TSC22D1: variants seen among roughly 807,000 people sequenced by gnomAD.
The protein encoded by TSC22D1 is TSC22 domain family protein 1.
In TSC22D1, 9 loss-of-function variants were observed where a neutral mutation model predicts 74.2. The observed-to-expected ratio is 0.12, with a 90% CI of 0.07 to 0.21. The LOEUF (loss-of-function observed/expected upper bound fraction) is 0.21, where lower values mean the gene tolerates loss of function less well. Ranked by LOEUF, TSC22D1 falls within the 10% of genes least tolerant of loss-of-function variation. The pLI is 1.00. For synonymous variants in TSC22D1, 586 were observed against 492.5 expected (o/e 1.19, Z -2.51); for missense variants, 1,427 against 1,304.7 (o/e 1.09, Z -1.44).
chr13:44,504,601 C>CAAA (rs10577341), intron 1 of TSC22D1, among the ~76,000 whole-genome samples: 4 of 97,532 alleles, frequency 4.1e-5, no homozygotes, highest in South Asian at 3.5e-4. Context: ...GAGACTGTCT[C>CAAA]AAAAAAAAAA....
intron 1 of TSC22D1, among the ~76,000 whole-genome samples, chr13:44,455,303 T>C (rs1294195432): frequency 6.6e-6 from 1 of 152,292 alleles, no homozygotes; most frequent in East Asian, 1.9e-4. Context: ...AATGCTGTAT[T>C]CAAGAGACCC....
intron 1 of TSC22D1, among the ~76,000 whole-genome samples, chr13:44,525,095 G>A (rs988962115): frequency 3.9e-5 from 6 of 152,124 alleles, no homozygotes; most frequent in African/African-American, 1.4e-4. Flanking sequence ...TCTCTCTCTA[G>A]CTTTCTTGTT....
intron 1 of TSC22D1, among the ~76,000 whole-genome samples, chr13:44,545,544 A>G (rs1384158517): frequency 1.3e-5 from 2 of 151,568 alleles, no homozygotes; most frequent in Non-Finnish European, 2.9e-5. Context: ...CTTTATTCTT[A>G]TAATGGCCAG....
chr13:44,536,999 ATATT>A lies in TSC22D1; in HGVS notation c.2912+36160_2912+36163del, dbSNP rs1206926800. 5.1e-6 allele frequency: 5 copies of A among 971,864 alleles called. No individual in the cohort carries two copies. In the East Asian group the frequency reaches 5.7e-4, roughly 111 times the overall value. The allele number at this position is 971,864 out of a possible 1,614,324, so 60.2% of individuals were successfully genotyped here. ...ACACAGAAAGAATACATATTCAGAA[ATATT>A]TAGAGAAAGACACAGAAAATTAAAA... On this transcript the variant is annotated intron_variant, in intron 1 of 2. Coordinates refer to ENST00000458659, the MANE Select transcript of TSC22D1 (RefSeq NM_183422.4).
intron 1 of TSC22D1, among the ~76,000 whole-genome samples, chr13:44,481,889 T>C (rs1878194754): frequency 6.6e-6 from 1 of 152,230 alleles, no homozygotes; most frequent in African/African-American, 2.4e-5. Flanking sequence ...AAAAAAATTC[T>C]GTATATTTAG....
chr13:44,575,260 G>A lies in TSC22D1; in HGVS notation c.815C>T (p.Thr272Ile). Reference sequence around the variant, plus strand: ...TACAGCAGAAGTTGGTGCAACTGGTGTGATACTGTCAGAGCTTCCAGTTGT... The same window carrying A: ...TACAGCAGAAGTTGGTGCAACTGGTATGATACTGTCAGAGCTTCCAGTTGT... ...LSTTGSSDSI[T>I]PVAPTSAVSS... The change falls in exon 1 of 3, where the codon ACA becomes ATA. Residue 272 changes from threonine to isoleucine, a missense_variant. This residue lies in a region of TSC22D1 where 1,343 missense variants were observed against 1,191.5 expected (regional missense o/e 1.13). Transcript: ENST00000458659. 2 of 1,614,132 alleles carry A rather than the reference G, an allele frequency of 1.2e-6. No individual in the cohort carries two copies. Among genetic ancestry groups the A allele is most frequent in the South Asian group, 2.2e-5 (2 of 91,084 alleles).
At chr13:44,461,636 C>T (rs555714315) in intron 1 of TSC22D1, among the ~76,000 whole-genome samples, 2 of 152,230 alleles carry the variant, frequency 1.3e-5, no homozygotes, top group Admixed American at 6.5e-5. Flanking sequence ...GTCAAAGCAT[C>T]GTTATGGAAG....
chr13:44,573,859 G>A lies in TSC22D1; in HGVS notation c.2216C>T (p.Pro739Leu). The change falls in exon 1 of 3, where the codon CCT (proline) becomes CTT (leucine). Residue 739 changes from proline (P) to leucine (L), a missense_variant. Around this residue, in one of 3 missense-constraint regions of TSC22D1, gnomAD observed 1,343 missense variants for 1,191.5 expected, o/e 1.13. Transcript: ENST00000458659. ...IANIGQQANI[P>L]TAVQQPSTQV... The stretch of plus-strand genomic sequence containing the variant: ...GGTAGAGGGCTGCTGCACTGCAGTA[G>A]GTATGTTTGCTTGCTGACCAATATT... The A allele has an allele frequency of 6.2e-7, 1 of 1,614,244 alleles. No homozygotes were observed. The highest frequency in any genetic ancestry group is 8.5e-7 in the Non-Finnish European group (1 of 1,180,046).
intron 1 of TSC22D1, among the ~76,000 whole-genome samples, chr13:44,495,136 A>G (rs1159867968): frequency 3.3e-5 from 5 of 152,178 alleles, no homozygotes; most frequent in African/African-American, 1.2e-4. Flanking sequence ...AGCACTCTCA[A>G]CACATAATGA....
At chr13:44,464,234 TAGA>T (rs1349507079) in intron 1 of TSC22D1, among the ~76,000 whole-genome samples, 1 of 152,222 alleles carries the variant, frequency 6.6e-6, no homozygotes, top group African/African-American at 2.4e-5. Context: ...GTGACTGTAA[TAGA>T]AGAAGACTGG....
chr13:44,476,014 T>C (rs1877889425), intron 1 of TSC22D1, among the ~76,000 whole-genome samples: 3 of 152,328 alleles, frequency 2.0e-5, no homozygotes, highest in African/African-American at 7.2e-5. Context: ...CACCCAGAGC[T>C]CTGCATGAAC....
Position 44,576,302 on chromosome 13 carries a change from G to A in TSC22D1, c.-228C>T, listed in dbSNP as rs1007649472. On this transcript the variant is annotated 5_prime_UTR_variant, in exon 1 of 3. Coordinates refer to ENST00000458659, the MANE Select transcript of TSC22D1 (RefSeq NM_183422.4). ...AGGGCGGCCGGGGACCCGAAGGGGG[G>A]ATCCCTTCAGTCCTTCGCCATTCAC... 1 of 580,186 alleles carries A rather than the reference G, an allele frequency of 1.7e-6. No homozygotes were observed. 35.9% of individuals were successfully genotyped at this position (580,186 alleles called of 1,614,324 possible). A position where few individuals can be genotyped will look rare whatever the true frequency, so the allele number is the denominator to read the frequency against.
Position 44,575,050 on chromosome 13 carries a change from T to C in TSC22D1, c.1025A>G (p.Asn342Ser), listed in dbSNP as rs186351925. 6 of 1,614,134 alleles carry C rather than the reference T, an allele frequency of 3.7e-6. No individual in the cohort carries two copies. Among genetic ancestry groups the C allele is most frequent in the East Asian group, 4.5e-5 (2 of 44,890 alleles). Reference sequence around the variant, plus strand: ...ACTCACACCAGCAGCACTAGGAATATTGCTTGTACTTATATTAACATTACC... The same window carrying C: ...ACTCACACCAGCAGCACTAGGAATACTGCTTGTACTTATATTAACATTACC... Reference protein sequence around the residue: ...MLGNVNISTSNIPSAAGVSVG... With the variant: ...MLGNVNISTSSIPSAAGVSVG... The change falls in exon 1 of 3, where the codon AAT becomes AGT. Residue 342 changes from asparagine to serine, a missense_variant. By Grantham distance (46) the Asn-to-Ser change is conservative. Coordinates refer to ENST00000458659, the MANE Select transcript of TSC22D1 (RefSeq NM_183422.4).
At chr13:44,567,575 A>G (rs1883463516) in intron 1 of TSC22D1, among the ~76,000 whole-genome samples, 1 of 152,030 alleles carries the variant, frequency 6.6e-6, no homozygotes, top group Admixed American at 6.5e-5. Flanking sequence ...TATCATTATT[A>G]AAATAGAATA....
rs540235544 is a variant in TSC22D1 at position 44,576,116 on chromosome 13, C to T, written c.-42G>A. The T allele has an allele frequency of 4.8e-6, 7 of 1,458,900 alleles. No homozygotes were observed. Among genetic ancestry groups the T allele is most frequent in the South Asian group, 4.2e-5 (3 of 70,690 alleles). 90.4% of individuals were successfully genotyped at this position (1,458,900 alleles called of 1,614,324 possible). Reference sequence around the variant, plus strand: ...GGCGCGGAGGAGACGAGTGCAATTTCCTTCTGCACCGTAATCTTTGTATTG... The same window carrying T: ...GGCGCGGAGGAGACGAGTGCAATTTTCTTCTGCACCGTAATCTTTGTATTG... On this transcript the variant is annotated 5_prime_UTR_variant, in exon 1 of 3. Transcript: ENST00000458659.
Position 44,575,978 on chromosome 13 carries a change from T to C in TSC22D1, c.97A>G (p.Ser33Gly). 1 of 1,602,700 alleles carries C rather than the reference T, an allele frequency of 6.2e-7. No homozygotes were observed. The highest frequency in any genetic ancestry group is 8.5e-7 in the Non-Finnish European group (1 of 1,174,684). Residue 33 changes from serine (S) to glycine (G), a missense_variant, in exon 1 of 3, where the codon AGC (serine) becomes GGC (glycine). By Grantham distance (56) the Ser-to-Gly change is moderately conservative (BLOSUM62 0). This residue lies in a region of TSC22D1 where 1,343 missense variants were observed against 1,191.5 expected (regional missense o/e 1.13). Transcript: ENST00000458659. ...AHPAMFPRRG[S>G]GSGSASALNA... ...AGAGCAGAGGCGCTGCCACTACCGC[T>C]GCCCCTTCGAGGGAACATTGCCGGG...
chr13:44,541,085 G>C (rs767014221), intron 1 of TSC22D1, among the ~76,000 whole-genome samples: 3 of 152,118 alleles, frequency 2.0e-5, no homozygotes, highest in Non-Finnish European at 2.9e-5. Context: ...TATCACAAGG[G>C]TTCCTTACCT....
At chr13:44,555,541 G>A (rs1882581979) in intron 1 of TSC22D1, among the ~76,000 whole-genome samples, 1 of 152,128 alleles carries the variant, frequency 6.6e-6, no homozygotes, top group African/African-American at 2.4e-5. Context: ...ACGAGGTGGA[G>A]GTTGCAGTGA....
At chr13:44,531,361 A>C (rs1175649600) in intron 1 of TSC22D1, among the ~76,000 whole-genome samples, 1 of 152,214 alleles carries the variant, frequency 6.6e-6, no homozygotes, top group Non-Finnish European at 1.5e-5. Context: ...ATGCAAATGC[A>C]TTATCAATGG....
Sources: gnomAD v4.1 joint callset for allele counts (sites outside exome capture counted in the v4.1 genomes callset) on GRCh38, gnomAD v4.1.1 for gene constraint, gnomAD v4.1.1 regional missense constraint, MANE v1.5 for transcripts, NCBI Gene and HGNC (gene_info 2026-07-23, HGNC 2026-07-21) for gene names.